Variants in DYNC1I1 observed in about 807,000 individuals in gnomAD.
DYNC1I1 encodes the protein dynein cytoplasmic 1 intermediate chain 1.
Under a neutral mutation model 86.6 loss-of-function variants are expected in DYNC1I1, and 43 were observed. That is an observed-to-expected ratio of 0.50 (90% CI 0.39 to 0.64). The LOEUF (loss-of-function observed/expected upper bound fraction) is 0.64. Among genes scored for constraint, DYNC1I1 ranks in the 30% least tolerant of loss-of-function variants. DYNC1I1 has a pLI of 0.00. For missense variants in DYNC1I1, 604 were observed against 788.8 expected (o/e 0.77, Z 2.81); for synonymous variants, 262 against 283.7 (o/e 0.92, Z 0.77).
At chr7:95,985,243 A>G (rs569054867) in intron 8 of DYNC1I1, among the ~76,000 whole-genome samples, 19 of 152,282 alleles carry the variant, frequency 1.2e-4, no homozygotes, top group African/African-American at 4.3e-4. Flanking sequence ...GCAGAGTCAC[A>G]TGCATTATCC....
chr7:95,909,345 C>A (rs1295928089), intron 6 of DYNC1I1, among the ~76,000 whole-genome samples: 1 of 151,740 alleles, frequency 6.6e-6, no homozygotes, highest in Admixed American at 6.6e-5. Context: ...GCTGTGAGAA[C>A]CTTGTTGTTG....
intron 6 of DYNC1I1, among the ~76,000 whole-genome samples, chr7:95,940,392 T>G (rs1194156530): frequency 1.3e-5 from 2 of 152,160 alleles, no homozygotes; most frequent in Non-Finnish European, 2.9e-5. Flanking sequence ...CTGCAGAGTG[T>G]TTTCCAACTT....
chr7:95,917,130 T>G (rs1467271205), intron 6 of DYNC1I1, among the ~76,000 whole-genome samples: 1 of 152,162 alleles, frequency 6.6e-6, no homozygotes, highest in Non-Finnish European at 1.5e-5. Flanking sequence ...CTGTTTACAC[T>G]TTCACTTTCC....
rs533772909 is a variant in DYNC1I1, at chr7:95,880,295, C to T, written c.490+10297C>T. On this transcript the variant is annotated intron_variant, in intron 6 of 16. Coordinates refer to ENST00000447467, the MANE Select transcript of DYNC1I1 (RefSeq NM_001135556.2). Reference sequence around the variant, plus strand: ...CTGATGTTTCTTCCAATGTGAAGTCCGTTCGTGGAATACTCTTAGCTTCTT... The same window carrying T: ...CTGATGTTTCTTCCAATGTGAAGTCTGTTCGTGGAATACTCTTAGCTTCTT... Among the ~76,000 whole-genome samples the T allele has an allele frequency of 4.6e-5, 7 of 152,044 alleles. No homozygotes were observed. In the East Asian group the frequency reaches 7.7e-4, roughly 17 times the overall value.
intron 16 of DYNC1I1, among the ~76,000 whole-genome samples, chr7:96,104,904 A>T (rs186296758): frequency 6.6e-6 from 1 of 152,092 alleles, no homozygotes; most frequent in African/African-American, 2.4e-5. Context: ...GAATTCTTTT[A>T]AAAAAACATA....
chr7:95,773,353 G>A (rs189679990), intron 1 of DYNC1I1, among the ~76,000 whole-genome samples: 383 of 152,286 alleles, frequency 2.5e-3, no homozygotes, highest in South Asian at 5.8e-3. Context: ...AAGTGTGGCT[G>A]GGGGATGTTG....
At chr7:96,036,223 G>A (rs1794924161) in intron 13 of DYNC1I1, among the ~76,000 whole-genome samples, 1 of 152,042 alleles carries the variant, frequency 6.6e-6, no homozygotes, top group Non-Finnish European at 1.5e-5. Context: ...TGACTCTTGG[G>A]CAAAGAAAAC....
At chr7:96,087,030 C>A (rs2299292) in intron 16 of DYNC1I1, among the ~76,000 whole-genome samples, 24,309 of 151,950 alleles carry the variant, frequency 0.16, 2,175 homozygotes, top group Middle Eastern at 0.25. Context: ...ACTGGAAGTA[C>A]TGGGAGCTAA....
At chr7:96,040,182 C>A (rs1043713085) in intron 14 of DYNC1I1, among the ~76,000 whole-genome samples, 10 of 151,722 alleles carry the variant, frequency 6.6e-5, no homozygotes, top group Non-Finnish European at 1.5e-4. Flanking sequence ...TGCAGTGAGC[C>A]GAGATTGGGC....
intron 16 of DYNC1I1, among the ~76,000 whole-genome samples, chr7:96,083,542 A>C (rs546785776): frequency 6.6e-6 from 1 of 152,218 alleles, no homozygotes; most frequent in African/African-American, 2.4e-5. Flanking sequence ...ACAGAACATA[A>C]CTGTGCTTAA....
At chr7:95,934,891 G>A (rs1791996534) in intron 6 of DYNC1I1, among the ~76,000 whole-genome samples, 1 of 151,274 alleles carries the variant, frequency 6.6e-6, no homozygotes, top group African/African-American at 2.4e-5. Context: ...TCAAAGTTAA[G>A]AAAAAACACC....
chr7:95,976,611 C>T (rs1478146519), intron 6 of DYNC1I1, among the ~76,000 whole-genome samples: 2 of 152,142 alleles, frequency 1.3e-5, no homozygotes, highest in African/African-American at 4.8e-5. Context: ...CATTTCTTTT[C>T]AACTCTCTTT....
chr7:96,024,760 A>G (rs1794636467), intron 10 of DYNC1I1, among the ~76,000 whole-genome samples: 1 of 152,204 alleles, frequency 6.6e-6, no homozygotes, highest in African/African-American at 2.4e-5. Context: ...CACATTTATT[A>G]GTAGTGTCAA....
intron 3 of DYNC1I1, 110 bp from the exon 4 acceptor site, chr7:95,813,137 T>A: frequency 6.6e-7 from 1 of 1,504,928 alleles, no homozygotes; most frequent in Non-Finnish European, 9.1e-7. Context: ...CTCCTGGCCA[T>A]ACAACCACTT....
chr7:96,051,201 T>G (rs1228559243), intron 14 of DYNC1I1, among the ~76,000 whole-genome samples: 1 of 152,176 alleles, frequency 6.6e-6, no homozygotes, highest in East Asian at 1.9e-4. Context: ...CCAGTTAAAT[T>G]TTGGGTTAAT....
intron 6 of DYNC1I1, among the ~76,000 whole-genome samples, chr7:95,970,090 C>T (rs73230245): frequency 0.042 from 6,376 of 152,128 alleles, 187 homozygotes; most frequent in Middle Eastern, 0.099. Flanking sequence ...CTCTGGACTC[C>T]CGGCGAAGTT....
chr7:95,941,628 C>A (rs1022597685), intron 6 of DYNC1I1, among the ~76,000 whole-genome samples: 1 of 152,198 alleles, frequency 6.6e-6, no homozygotes, highest in African/African-American at 2.4e-5. Flanking sequence ...ATAATCTCCT[C>A]GTGTGCTGTT....
At chr7:95,983,061 A>T (rs968121057) in intron 7 of DYNC1I1, among the ~76,000 whole-genome samples, 5 of 152,184 alleles carry the variant, frequency 3.3e-5, no homozygotes, top group Non-Finnish European at 5.9e-5. Context: ...TAACTAATCA[A>T]ATCTAGCATA....
At chr7:95,985,923 TG>T (rs1793577674) in intron 8 of DYNC1I1, among the ~76,000 whole-genome samples, 2 of 152,042 alleles carry the variant, frequency 1.3e-5, no homozygotes, top group Admixed American at 6.6e-5. Context: ...ACAATCTTTG[TG>T]TTTTTTTGAA....
Sources: allele counts gnomAD v4.1 joint callset (sites outside exome capture counted in the v4.1 genomes callset), GRCh38; gene constraint gnomAD v4.1.1; transcripts MANE v1.5; gene names NCBI Gene and HGNC (gene_info 2026-07-23, HGNC 2026-07-21).